CAST: variants seen among roughly 807,000 people sequenced by gnomAD.
CAST encodes MIR583 host.
A neutral mutation model predicts 119.6 loss-of-function variants in CAST; 76 were observed. The observed-to-expected ratio is 0.64, with a 90% confidence interval of 0.53 to 0.77. CAST has a LOEUF of 0.77. Among genes scored for constraint, CAST ranks in the 30% least tolerant of loss-of-function variants. The pLI, the probability that CAST is intolerant of heterozygous loss-of-function variation, is 0.00. For missense variants in CAST, 953 were observed against 946.5 expected (o/e 1.01, Z -0.09); for synonymous variants, 319 against 331.6 (o/e 0.96, Z 0.41).
chr5:96,593,594 G>A (rs1561425243), intron 1 of CAST, among the ~76,000 whole-genome samples: 1 of 152,224 alleles, frequency 6.6e-6, no homozygotes, highest in Admixed American at 6.5e-5. Context: ...TGGACTGAAT[G>A]AGCAGAAGAG....
At chr5:96,475,959 G>T in the CAST span, among the ~76,000 whole-genome samples, 65 of 152,300 alleles carry the variant, frequency 4.3e-4, no homozygotes, top group East Asian at 5.0e-3. Context: ...GACTCCAGTT[G>T]CCCTGCTGTA....
At chr5:96,417,446 G>T in the CAST span, among the ~76,000 whole-genome samples, 7 of 151,780 alleles carry the variant, frequency 4.6e-5, no homozygotes, top group African/African-American at 1.7e-4. Flanking sequence ...CAATCATGGG[G>T]CCCCTCCTCT....
At chr5:96,137,694 G>T in the CAST span, among the ~76,000 whole-genome samples, 5 of 152,172 alleles carry the variant, frequency 3.3e-5, no homozygotes, top group African/African-American at 1.2e-4. Flanking sequence ...TATTCTAGTA[G>T]ATATATAGTG....
the CAST span, among the ~76,000 whole-genome samples, chr5:95,986,580 A>G: frequency 6.6e-6 from 1 of 152,284 alleles, no homozygotes. Flanking sequence ...ACTTTTTGTC[A>G]GTATTTTCAT....
the CAST span, among the ~76,000 whole-genome samples, chr5:96,313,352 C>T: frequency 1.3e-5 from 2 of 152,132 alleles, no homozygotes; most frequent in Non-Finnish European, 2.9e-5. Context: ...TCCTCCACTT[C>T]CAGACACTGG....
the CAST span, among the ~76,000 whole-genome samples, chr5:96,212,007 G>A: frequency 0.024 from 3,591 of 152,040 alleles, 50 homozygotes; most frequent in South Asian, 0.064. Flanking sequence ...GTAATTTGTG[G>A]ATTTTCTTTT....
the CAST span, among the ~76,000 whole-genome samples, chr5:96,413,894 C>T: frequency 2.2e-4 from 30 of 137,752 alleles, no homozygotes; most frequent in Non-Finnish European, 3.3e-4. Context: ...CCGAGGCGGG[C>T]GGATCACGAG....
At chr5:96,548,993 A>T (rs1210712582) in intron 1 of CAST, among the ~76,000 whole-genome samples, 1 of 152,190 alleles carries the variant, frequency 6.6e-6, no homozygotes, top group Non-Finnish European at 1.5e-5. Flanking sequence ...GCTACTGGCC[A>T]CTGCAAGAAA....
At chr5:96,237,013 T>G in the CAST span, among the ~76,000 whole-genome samples, 1 of 152,164 alleles carries the variant, frequency 6.6e-6, no homozygotes, top group Non-Finnish European at 1.5e-5. Context: ...TTGTTTTGGT[T>G]GTATATTACA....
intron 20 of CAST, 42 bp from the exon 21 acceptor site, chr5:96,754,018 T>G: frequency 8.8e-7 from 1 of 1,135,012 alleles, no homozygotes; most frequent in Non-Finnish European, 1.3e-6. Flanking sequence ...TTAAAGGGAG[T>G]GATTAACCAC....
At chr5:96,337,371 T>C in the CAST span, among the ~76,000 whole-genome samples, 1 of 152,218 alleles carries the variant, frequency 6.6e-6, no homozygotes, top group South Asian at 2.1e-4. Flanking sequence ...GCTCATATAA[T>C]ACTAAAGAAT....
rs767181091 is a variant in CAST, at chr5:96,766,039, C to G, written c.2038-14C>G. 7.1e-7 allele frequency: 1 copy of G among 1,398,700 alleles called. No homozygotes were observed. Among genetic ancestry groups the G allele is most frequent in the Non-Finnish European group, 1.0e-6 (1 of 988,132 alleles). 86.6% of individuals were successfully genotyped at this position (1,398,700 alleles called of 1,614,324 possible). ...GAAATGAATATTAATTCTATCTGCT[C>G]ACTGTTGATATAGGAAAAAGCTAAA... is the stretch of plus-strand genomic sequence containing the variant. On this transcript the variant is annotated splice_polypyrimidine_tract_variant and intron_variant, in intron 26 of 31. Transcript: ENST00000675179.
At chr5:96,006,418 T>G in the CAST span, among the ~76,000 whole-genome samples, 1 of 152,098 alleles carries the variant, frequency 6.6e-6, no homozygotes, top group Non-Finnish European at 1.5e-5. Context: ...GTTTACAAAT[T>G]TGTGTTGGGC....
the CAST span, among the ~76,000 whole-genome samples, chr5:95,969,294 T>A: frequency 6.6e-6 from 1 of 152,186 alleles, no homozygotes; most frequent in East Asian, 1.9e-4. Flanking sequence ...AGTAGCATGA[T>A]CTAATCTATA....
chr5:96,373,928 T>G, the CAST span, among the ~76,000 whole-genome samples: 42 of 152,170 alleles, frequency 2.8e-4, no homozygotes, highest in Admixed American at 9.2e-4. Context: ...TGGTATTTTT[T>G]GCAGAGACAG....
the CAST span, among the ~76,000 whole-genome samples, chr5:95,963,269 G>T: frequency 5.3e-5 from 8 of 152,174 alleles, no homozygotes; most frequent in African/African-American, 1.9e-4. Flanking sequence ...TTAGGGCCAT[G>T]ATTCCATGTC....
intron 1 of CAST, among the ~76,000 whole-genome samples, chr5:96,588,902 T>C (rs1477700871): frequency 6.6e-6 from 1 of 152,232 alleles, no homozygotes; most frequent in East Asian, 1.9e-4. Context: ...AAGACTGCCA[T>C]ATATTGGTAC....
the CAST span, among the ~76,000 whole-genome samples, chr5:96,398,508 T>A: frequency 6.4e-4 from 98 of 152,324 alleles, no homozygotes; most frequent in African/African-American, 2.3e-3. Flanking sequence ...AATGGACTCC[T>A]TGTATGTTTC....
intron 1 of CAST, among the ~76,000 whole-genome samples, chr5:96,663,414 A>AT (rs1386221685): frequency 6.6e-6 from 1 of 152,170 alleles, no homozygotes; most frequent in African/African-American, 2.4e-5. Flanking sequence ...TCTCGCCCCG[A>AT]TGTCAAGCAC....
Sources: allele counts gnomAD v4.1 joint callset (sites outside exome capture counted in the v4.1 genomes callset), GRCh38; gene constraint gnomAD v4.1.1; transcripts MANE v1.5; gene names NCBI Gene and HGNC (gene_info 2026-07-23, HGNC 2026-07-21).